The following NDUFS4 variants were observed in gnomAD, a reference collection of about 807,000 sequenced individuals.
NDUFS4 encodes the protein NADH:ubiquinone oxidoreductase subunit S4.
A neutral mutation model predicts 24.3 loss-of-function variants in NDUFS4; 28 were observed. That is an observed-to-expected ratio of 1.15 (90% CI 0.85 to 1.58). The LOEUF is 1.58. Among genes scored for constraint, NDUFS4 ranks in the 40% most tolerant of loss-of-function variants. The pLI is 0.00. For missense variants in NDUFS4, 223 were observed against 207.9 expected, an observed-to-expected ratio of 1.07 and a Z score of -0.45; for synonymous variants, 93 against 69.7, an observed-to-expected ratio of 1.34 and a Z score of -1.67.
intron 4 of NDUFS4, among the ~76,000 whole-genome samples, chr5:53,667,493 A>C (rs1207685108): frequency 2.0e-5 from 3 of 151,918 alleles, no homozygotes; most frequent in East Asian, 3.9e-4. Context: ...CTCCAAAAAA[A>C]AAAAAAAAAA....
At chr5:53,644,200 C>T (rs1425330422) in intron 2 of NDUFS4, among the ~76,000 whole-genome samples, 2 of 152,088 alleles carry the variant, frequency 1.3e-5, no homozygotes, top group South Asian at 4.1e-4. Context: ...AGTGTTTCCT[C>T]TAATCTTCCT....
intron 1 of NDUFS4, among the ~76,000 whole-genome samples, chr5:53,582,631 C>A (rs1464054250): frequency 1.3e-5 from 2 of 152,172 alleles, no homozygotes; most frequent in East Asian, 1.9e-4. Flanking sequence ...AACAAAATGA[C>A]CTTGAACAAG....
At chr5:53,613,709 G>T (rs1325802464) in intron 2 of NDUFS4, among the ~76,000 whole-genome samples, 1 of 149,372 alleles carries the variant, frequency 6.7e-6, no homozygotes, top group Non-Finnish European at 1.5e-5. Context: ...CAGCAATACT[G>T]TTGCTTAAAA....
At chr5:53,658,453 C>A in intron 3 of NDUFS4, 98 bp from the exon 4 acceptor site, 1 of 798,932 alleles carries the variant, frequency 1.3e-6, no homozygotes, top group Non-Finnish European at 2.2e-6. Flanking sequence ...CAATAATGTA[C>A]TTATTTGATT....
chr5:53,683,009 A>C, intron 4 of NDUFS4, 109 bp from the exon 5 acceptor site: 1 of 799,752 alleles, frequency 1.3e-6, no homozygotes, highest in South Asian at 1.3e-5. Flanking sequence ...ACTCTTGATG[A>C]TAAATGAACA....
intron 1 of NDUFS4, among the ~76,000 whole-genome samples, chr5:53,592,726 A>G (rs1015847556): frequency 5.3e-5 from 8 of 152,142 alleles, no homozygotes; most frequent in Non-Finnish European, 2.9e-5. Flanking sequence ...TGTTCCATTC[A>G]TCTATTTATT....
chr5:53,592,705 T>G (rs903028423), intron 1 of NDUFS4, among the ~76,000 whole-genome samples: 2 of 152,222 alleles, frequency 1.3e-5, no homozygotes, highest in Admixed American at 1.3e-4. Flanking sequence ...TATATTTGAA[T>G]AGTCTATTTC....
intron 2 of NDUFS4, among the ~76,000 whole-genome samples, chr5:53,618,363 G>A (rs749767172): frequency 1.3e-5 from 2 of 151,670 alleles, no homozygotes; most frequent in Non-Finnish European, 3.0e-5. Context: ...TTGTTAGCCT[G>A]GAGAGAGAAG....
At chr5:53,565,078 C>T (rs1056455021) in intron 1 of NDUFS4, among the ~76,000 whole-genome samples, 3 of 152,088 alleles carry the variant, frequency 2.0e-5, no homozygotes, top group Non-Finnish European at 4.4e-5. Flanking sequence ...AATGATATAC[C>T]ATGTCAAACA....
intron 4 of NDUFS4, among the ~76,000 whole-genome samples, chr5:53,659,348 C>A (rs1200793171): frequency 6.6e-6 from 1 of 152,124 alleles, no homozygotes; most frequent in African/African-American, 2.4e-5. Context: ...GGATTCTAAT[C>A]TTGGTTATGC....
At chr5:53,580,483 C>T (rs957005480) in intron 1 of NDUFS4, among the ~76,000 whole-genome samples, 4 of 152,112 alleles carry the variant, frequency 2.6e-5, no homozygotes, top group African/African-American at 9.7e-5. Context: ...GACTTTAGGA[C>T]CTGCTCTTCA....
intron 2 of NDUFS4, among the ~76,000 whole-genome samples, chr5:53,618,143 G>A (rs931644999): frequency 7.2e-5 from 11 of 152,020 alleles, no homozygotes; most frequent in Non-Finnish European, 1.5e-4. Flanking sequence ...GTAGTGGCGC[G>A]TGCCTGTGGT....
rs868739180 is a variant in NDUFS4 at position 53,578,853 on chromosome 5, C to A, written c.98+18093C>A. 2.0e-5 allele frequency among the ~76,000 whole-genome samples: 3 copies of A among 151,892 alleles called. No homozygotes were observed. In the Middle Eastern group the frequency reaches 0.01, roughly 517 times the overall value. ...GTAAATCTTAACTAGATTCCAATTT[C>A]GTGTTTTGGTTTATCAGAACATCCT... On this transcript the variant is annotated intron_variant, in intron 1 of 4. Transcript: ENST00000296684.
intron 4 of NDUFS4, among the ~76,000 whole-genome samples, chr5:53,675,443 T>C (rs927828652): frequency 6.6e-6 from 1 of 152,062 alleles, no homozygotes; most frequent in Non-Finnish European, 1.5e-5. Flanking sequence ...ATTACAGGCG[T>C]GAGCCACCAC....
intron 2 of NDUFS4, among the ~76,000 whole-genome samples, chr5:53,642,381 T>C (rs1452025747): frequency 6.6e-6 from 1 of 151,990 alleles, no homozygotes; most frequent in Admixed American, 6.6e-5. Context: ...TTGTTGGGAG[T>C]GCATGCAGAA....
At chr5:53,658,689 C>A in intron 4 of NDUFS4, 65 bp downstream of exon 4, 1 of 1,345,304 alleles carries the variant, frequency 7.4e-7, no homozygotes. Context: ...TTAATTAAAA[C>A]CAATTAAGTA....
intron 4 of NDUFS4, among the ~76,000 whole-genome samples, chr5:53,661,987 T>A (rs1752357257): frequency 1.3e-5 from 2 of 152,208 alleles, no homozygotes; most frequent in Non-Finnish European, 1.5e-5. Context: ...ATACCCTTTA[T>A]TTCCTTCTCC....
In NDUFS4 at chr5:53,560,754, C is replaced by A. The variant is rs1208711122; in HGVS notation, c.92C>A (p.Pro31Gln). Residue 31 changes from proline to glutamine, a missense_variant, in exon 1 of 5, where the codon CCG (proline) becomes CAG (glutamine). Physicochemically the swap from Pro to Gln is moderately conservative, Grantham distance 76. Transcript: ENST00000296684. Reference sequence around the variant, plus strand: ...GCTGCCCTTTCCGTTTCCAGGGTTCCGACCAGGTAATAGAATTTTCACACT... The same window carrying A: ...GCTGCCCTTTCCGTTTCCAGGGTTCAGACCAGGTAATAGAATTTTCACACT... ...AVAALSVSRV[P>Q]TRSLRTSTWR... is the part of the protein sequence containing the mutation. The A allele has an allele frequency of 1.2e-6, 2 of 1,614,058 alleles. No individual in the cohort carries two copies. The highest frequency in any genetic ancestry group is 1.7e-6 in the Non-Finnish European group (2 of 1,180,052).
intron 1 of NDUFS4, among the ~76,000 whole-genome samples, chr5:53,585,761 A>T (rs1454779507): frequency 6.6e-6 from 1 of 151,196 alleles, no homozygotes; most frequent in African/African-American, 2.4e-5. Context: ...AAAAAAGAAA[A>T]TTTTTGTGTG....
Sources: allele counts gnomAD v4.1 joint callset (sites outside exome capture counted in the v4.1 genomes callset), GRCh38; gene constraint gnomAD v4.1.1; transcripts MANE v1.5; gene names NCBI Gene and HGNC (gene_info 2026-07-23, HGNC 2026-07-21).